NOA1: variants seen among roughly 807,000 people sequenced by gnomAD.
The protein encoded by NOA1 is nitric oxide associated 1.
Under a neutral mutation model 58.4 loss-of-function variants are expected in NOA1, and 35 were observed. That is an observed-to-expected ratio of 0.60 (90% CI 0.46 to 0.79). NOA1 has a LOEUF of 0.79. Ranked by LOEUF, NOA1 falls within the 30% of genes least tolerant of loss-of-function variation. The pLI, the probability that NOA1 is intolerant of heterozygous loss-of-function variation, is 0.00. For synonymous variants in NOA1, 397 were observed against 373.4 expected, an observed-to-expected ratio of 1.06 and a Z score of -0.73; for missense variants, 895 against 894.6, an observed-to-expected ratio of 1.00 and a Z score of -0.01.
chr4:56,971,209 A>C (rs1029834576), intron 3 of NOA1, among the ~76,000 whole-genome samples: 3 of 149,960 alleles, frequency 2.0e-5, no homozygotes, highest in African/African-American at 7.3e-5. Context: ...GCTACTCGAG[A>C]GGCTGAGGCA....
chr4:56,977,172 G>A lies in NOA1; in HGVS notation c.414C>T (p.Gly138=), dbSNP rs1176268325. 3 of 1,559,920 alleles carry A rather than the reference G, an allele frequency of 1.9e-6. No homozygotes were observed. Among genetic ancestry groups the A allele is most frequent in the African/African-American group, 1.4e-5 (1 of 73,574 alleles). The part of the protein sequence containing the change: ...GHPDPALPPS[G]VNCSGCGAEL... Reference sequence around the variant, plus strand: ...CTGCCCCACAGCCCGAGCAGTTCACGCCGCTGGGCGGCAATGCCGGGTCCG... The same window carrying A: ...CTGCCCCACAGCCCGAGCAGTTCACACCGCTGGGCGGCAATGCCGGGTCCG... Residue 138 remains glycine (G), a synonymous_variant, in exon 1 of 7, where the codon GGC becomes GGT. Coordinates refer to ENST00000264230, the MANE Select transcript of NOA1 (RefSeq NM_032313.4).
In NOA1 at chr4:56,976,568, C is replaced by T. The variant is rs768572602; in HGVS notation, c.1018G>A (p.Asp340Asn). Residue 340 changes from aspartate to asparagine, a missense_variant, in exon 1 of 7, where the codon GAC (aspartate) becomes AAC (asparagine). Asp to Asn is a conservative substitution (Grantham distance 23). Around this residue, in one of 3 missense-constraint regions of NOA1, gnomAD observed 680 missense variants for 656.5 expected, o/e 1.04. Coordinates refer to ENST00000264230, the MANE Select transcript of NOA1 (RefSeq NM_032313.4). The stretch of plus-strand genomic sequence containing the variant: ...TTGGTGGCGCCCACTAAGTAGACGT[C>T]CCCACGGTAGCGCCAGGAGCGCTGA... ...ALQRSWRYRGDVYLVGATNAG... is the reference protein window; with the variant it reads ...ALQRSWRYRGNVYLVGATNAG... 8 of 1,614,234 alleles carry T rather than the reference C, an allele frequency of 5.0e-6. 1 individual carries two copies. The South Asian group carries it at 7.7e-5, about 16-fold the overall frequency.
rs1560466351 is a variant in NOA1 at position 56,977,055 on chromosome 4, GGTC to G, written c.528_530del (p.Thr177del). The G allele has an allele frequency of 6.3e-7, 1 of 1,581,156 alleles. No homozygotes were observed. Among genetic ancestry groups the G allele is most frequent in the South Asian group, 1.1e-5 (1 of 89,954 alleles). On this transcript the variant is annotated inframe_deletion, in exon 1 of 7. Transcript: ENST00000264230. ...ACAGCAGCCAGCAGCGCTGGCACAC[GGTC>G]CGTGCCAGCCCGCCGTCTGCCTCCG...
intron 2 of NOA1, 132 bp from the exon 3 acceptor site, chr4:56,973,485 C>CAA: frequency 2.3e-6 from 1 of 443,516 alleles, no homozygotes; most frequent in African/African-American, 2.2e-5. Context: ...GATACTTTTG[C>CAA]TTTTTTTTTT....
Position 56,965,729 on chromosome 4 carries a change from T to TAC in NOA1, c.1764+890_1764+891insGT. Among the ~76,000 whole-genome samples the TAC allele has an allele frequency of 2.0e-5, 3 of 149,678 alleles. No homozygotes were observed. The South Asian group carries it at 6.4e-4, about 32-fold the overall frequency. ...GTGTGTGTGTGTGTGTGTGTGTGTA[T>TAC]TGGTGATGAGGCTGTCAGGAGTTTA... is the stretch of plus-strand genomic sequence containing the variant. On this transcript the variant is annotated intron_variant, in intron 5 of 6. Coordinates refer to ENST00000264230, the MANE Select transcript of NOA1 (RefSeq NM_032313.4).
chr4:56,969,232 A>C (rs572211045), intron 3 of NOA1, among the ~76,000 whole-genome samples: 12 of 152,378 alleles, frequency 7.9e-5, no homozygotes, highest in African/African-American at 2.6e-4. Flanking sequence ...ATCTGGTTAA[A>C]AAAGAATAAA....
rs1416952182 is a variant in NOA1, at chr4:56,966,701, G to C, written c.1683C>G (p.Ser561=). ...AGGTGATATGCACAGGGAGGATGTT[G>C]GAAGCCACGACTGTAAACCAAGCTG... ...NQSAWFTVVA[S]NILPVHITSL... Residue 561 remains serine, a synonymous_variant, in exon 5 of 7, where the codon TCC becomes TCG. Transcript: ENST00000264230. 4 of 1,613,626 alleles carry C rather than the reference G, an allele frequency of 2.5e-6. No individual in the cohort carries two copies. In the Admixed American group the frequency reaches 6.7e-5, roughly 27 times the overall value.
intron 3 of NOA1, among the ~76,000 whole-genome samples, chr4:56,971,299 G>C (rs913179210): frequency 4.2e-5 from 5 of 119,736 alleles, no homozygotes; most frequent in Admixed American, 1.1e-4. Context: ...CTGGGCAAGA[G>C]AGTCAGACTC....
chr4:56,977,518 G>A lies in NOA1; in HGVS notation c.68C>T (p.Ala23Val), dbSNP rs150262157. 220 of 1,613,116 alleles carry A rather than the reference G, an allele frequency of 1.4e-4. 2 individuals carry two copies. In the African/African-American group the frequency reaches 2.3e-3, roughly 17 times the overall value. The change falls in exon 1 of 7, where the codon GCG becomes GTG. Residue 23 changes from alanine (A) to valine (V), a missense_variant. This residue lies in a region of NOA1 where 680 missense variants were observed against 656.5 expected (regional missense o/e 1.04). Coordinates refer to ENST00000264230, the MANE Select transcript of NOA1 (RefSeq NM_032313.4). ...LFLRGSAPTAARHGLREPLLE... is the reference protein window; with the variant it reads ...LFLRGSAPTAVRHGLREPLLE... The stretch of plus-strand genomic sequence containing the variant: ...GAGCGGCTCCCGGAGGCCATGGCGC[G>A]CTGCCGTGGGAGCGGATCCACGAAG...
In NOA1 at chr4:56,976,928, T is replaced by G; in HGVS notation, c.658A>C (p.Met220Leu). 1 of 1,609,766 alleles carries G rather than the reference T, an allele frequency of 6.2e-7. No individual in the cohort carries two copies. The highest frequency in any genetic ancestry group is 1.1e-5 in the South Asian group (1 of 91,026). Residue 220 changes from methionine to leucine, a missense_variant, in exon 1 of 7, where the codon ATG becomes CTG. Physicochemically the swap from Met to Leu is conservative, Grantham distance 15 (BLOSUM62 2). Transcript: ENST00000264230. ...RRPGPSLVLYMVDLLDLPDAL... is the reference protein window; with the variant it reads ...RRPGPSLVLYLVDLLDLPDAL... ...TCGGGCAGGTCCAGCAGGTCCACCATGTAGAGCACCAGGGAGGGGCCGGGC... is the reference window on the plus strand; with the variant it reads ...TCGGGCAGGTCCAGCAGGTCCACCAGGTAGAGCACCAGGGAGGGGCCGGGC...
chr4:56,964,835 T>G (rs1198426299), intron 5 of NOA1, among the ~76,000 whole-genome samples: 1 of 152,152 alleles, frequency 6.6e-6, no homozygotes. Flanking sequence ...GGGCCTCACA[T>G]AGATTAATGT....
rs114787590 is a variant in NOA1, at chr4:56,977,441, C to G, written c.145G>C (p.Gly49Arg). The G allele has an allele frequency of 1.5e-3, 2,348 of 1,614,156 alleles. 25 individuals are homozygous for G. The African/African-American group carries it at 0.025, about 17-fold the overall frequency. ...ACGGGGTCATAAGGAAGCTCGCGTCCCAGACTCGATGAGTGCTGGAAGGAG... is the reference window on the plus strand; with the variant it reads ...ACGGGGTCATAAGGAAGCTCGCGTCGCAGACTCGATGAGTGCTGGAAGGAG... ...ASSFQHSSSL[G>R]RELPYDPVDT... Residue 49 changes from glycine to arginine, a missense_variant, in exon 1 of 7, where the codon GGA becomes CGA. Physicochemically the swap from Gly to Arg is moderately radical, Grantham distance 125 (BLOSUM62 -2). Transcript: ENST00000264230.
intron 2 of NOA1, among the ~76,000 whole-genome samples, chr4:56,973,620 C>T (rs907087527): frequency 2.0e-5 from 3 of 151,806 alleles, no homozygotes; most frequent in African/African-American, 7.3e-5. Flanking sequence ...AAAAGATATA[C>T]CAAGGAAAGA....
chr4:56,966,018 CTTTT>C (rs57382498), intron 5 of NOA1, among the ~76,000 whole-genome samples: 10 of 88,550 alleles, frequency 1.1e-4, no homozygotes, highest in Non-Finnish European at 1.9e-4. Flanking sequence ...AGCAAATTTT[CTTTT>C]TTTTTTTTTT....
chr4:56,968,107 G>A (rs180798373), intron 4 of NOA1, among the ~76,000 whole-genome samples: 81 of 152,022 alleles, frequency 5.3e-4, no homozygotes, highest in African/African-American at 1.8e-3. Context: ...TAGTAGAGAT[G>A]GGGTTTCACC....
Position 56,976,992 on chromosome 4 carries a change from G to C in NOA1, c.594C>G (p.Arg198=), listed in dbSNP as rs1021728857. ...CGCTCACCAGCTCCAGGTACTGCTC[G>C]CGGCTCACCTGCAGGCGTAGAGCGC... ...HRRALRLQVS[R]EQYLELVSAA... The change falls in exon 1 of 7, where the codon CGC becomes CGG. Residue 198 remains arginine (R), a synonymous_variant. Coordinates refer to ENST00000264230, the MANE Select transcript of NOA1 (RefSeq NM_032313.4). The C allele has an allele frequency of 8.8e-6, 14 of 1,594,878 alleles. No individual in the cohort carries two copies. The highest frequency in any genetic ancestry group is 3.3e-5 in the Admixed American group (2 of 59,736).
At chr4:56,965,085 C>T (rs188925252) in intron 5 of NOA1, among the ~76,000 whole-genome samples, 41 of 152,108 alleles carry the variant, frequency 2.7e-4, no homozygotes, top group Non-Finnish European at 4.4e-4. Context: ...CTGCAACCTC[C>T]GCCTCCAAGG....
In NOA1 at chr4:56,963,575, G is replaced by C; in HGVS notation, c.1972C>G (p.Pro658Ala). ...ATGTTAACAATATATGGCAAGAGAGGGGGCCGGACGGTCAAAACTGTTCCT... is the reference window on the plus strand; with the variant it reads ...ATGTTAACAATATATGGCAAGAGAGCGGGCCGGACGGTCAAAACTGTTCCT... ...PEGTVLTVRP[P>A]LLPYIVNIKG... The change falls in exon 7 of 7, where the codon CCT becomes GCT. Residue 658 changes from proline (P) to alanine (A), a missense_variant. Pro to Ala is a conservative substitution (Grantham distance 27, BLOSUM62 -1). Transcript: ENST00000264230. 6.2e-7 allele frequency: 1 copy of C among 1,614,086 alleles called. No individual in the cohort carries two copies. The highest frequency in any genetic ancestry group is 1.1e-5 in the South Asian group (1 of 91,072).
chr4:56,967,717 A>C (rs540567935), intron 4 of NOA1, among the ~76,000 whole-genome samples: 1 of 152,184 alleles, frequency 6.6e-6, no homozygotes, highest in Admixed American at 6.6e-5. Flanking sequence ...CATGGTATAC[A>C]AAGTGTGGAA....
Sources: allele counts gnomAD v4.1 joint callset (sites outside exome capture counted in the v4.1 genomes callset), GRCh38; gene constraint gnomAD v4.1.1; regional missense constraint gnomAD v4.1.1; transcripts MANE v1.5; gene names NCBI Gene and HGNC (gene_info 2026-07-23, HGNC 2026-07-21).